The following ZYG11B variants were observed in gnomAD, a reference collection of about 807,000 sequenced individuals.
The protein encoded by ZYG11B is zyg-11 family member B, cell cycle regulator.
ZYG11B carries 36 observed loss-of-function variants against 82.4 expected under a neutral mutation model. The observed-to-expected ratio is 0.44, with a 90% CI of 0.33 to 0.58. The LOEUF is 0.58. Ranked by LOEUF, ZYG11B falls within the 20% of genes least tolerant of loss-of-function variation. ZYG11B has a pLI of 0.02. For synonymous variants in ZYG11B, 303 were observed against 312.8 expected (o/e 0.97, Z 0.33); for missense variants, 552 against 895.6 (o/e 0.62, Z 4.90).
At chr1:52,805,309 C>T (rs2149961768) in intron 10 of ZYG11B, 1 of 340,198 alleles carries the variant, frequency 2.9e-6, no homozygotes, top group African/African-American at 2.2e-5. Flanking sequence ...CACATGCAAG[C>T]AGTGAGGAGA....
chr1:52,816,874 C>T (rs1050089211), intron 13 of ZYG11B, among the ~76,000 whole-genome samples: 9 of 150,844 alleles, frequency 6.0e-5, no homozygotes, highest in Non-Finnish European at 8.8e-5. Context: ...CTGGAACCTC[C>T]GCCTCCTGGG....
Position 52,771,671 on chromosome 1 carries a change from C to T in ZYG11B, c.848C>T (p.Ala283Val). The stretch of plus-strand genomic sequence containing the variant: ...GGGAGAAAGCACGTGACAGATAAAG[C>T]CGTTGAAGCCTTTATACAACAACGT... Reference protein sequence around the residue: ...VSGRKHVTDKAVEAFIQQRPS... With the variant: ...VSGRKHVTDKVVEAFIQQRPS... Residue 283 changes from alanine (A) to valine (V), a missense_variant, in exon 3 of 14, where the codon GCC becomes GTC. Physicochemically the swap from Ala to Val is moderately conservative, Grantham distance 64. Coordinates refer to ENST00000294353, the MANE Select transcript of ZYG11B (RefSeq NM_024646.3). This position sits in a 1 kb window ranked among gnomAD's most constrained non-coding sequence, Gnocchi z 5.4. 4 of 1,614,186 alleles carry T rather than the reference C, an allele frequency of 2.5e-6. No individual in the cohort carries two copies. The highest frequency in any genetic ancestry group is 3.4e-6 in the Non-Finnish European group (4 of 1,180,036).
chr1:52,796,792 T>C lies in ZYG11B; in HGVS notation c.1485+8T>C, dbSNP rs766106504. On this transcript the variant is annotated splice_region_variant and intron_variant, in intron 8 of 13. Coordinates refer to ENST00000294353, the MANE Select transcript of ZYG11B (RefSeq NM_024646.3). The stretch of plus-strand genomic sequence containing the variant: ...GAGCTCTTCATTGTCAGGGTAAGTC[T>C]ATAATCTCCTCCATTCAGGCCACTA... The C allele has an allele frequency of 2.0e-6, 3 of 1,531,892 alleles. No homozygotes were observed. The highest frequency in any genetic ancestry group is 1.8e-6 in the Non-Finnish European group (2 of 1,141,566). The allele number at this position is 1,531,892 out of a possible 1,614,324, so 94.9% of individuals were successfully genotyped here. A position where few individuals can be genotyped will look rare whatever the true frequency, so the allele number is the denominator to read the frequency against.
intron 1 of ZYG11B, among the ~76,000 whole-genome samples, chr1:52,747,858 G>T (rs1177130386): frequency 6.6e-6 from 1 of 152,084 alleles, no homozygotes; most frequent in Non-Finnish European, 1.5e-5. Flanking sequence ...TATTAGCTCT[G>T]TAATCTTGAG....
At chr1:52,786,015 A>G (rs1644909234) in intron 5 of ZYG11B, among the ~76,000 whole-genome samples, 1 of 152,218 alleles carries the variant, frequency 6.6e-6, no homozygotes, top group Non-Finnish European at 1.5e-5. Flanking sequence ...GGGAGCTATA[A>G]ATAAGTCTGC....
intron 1 of ZYG11B, among the ~76,000 whole-genome samples, chr1:52,744,364 A>G (rs4926927): frequency 0.12 from 18,329 of 152,196 alleles, 2,493 homozygotes; most frequent in East Asian, 0.35. Flanking sequence ...TGATCACACA[A>G]TGACAAAATT....
At chr1:52,788,855 A>G (rs1644934109) in intron 5 of ZYG11B, among the ~76,000 whole-genome samples, 1 of 152,210 alleles carries the variant, frequency 6.6e-6, no homozygotes, top group Admixed American at 6.6e-5. Context: ...TGGGCTTTCT[A>G]AGTGGAGGTA....
At chr1:52,778,574 A>G (rs1167497729) in intron 3 of ZYG11B, among the ~76,000 whole-genome samples, 1 of 152,204 alleles carries the variant, frequency 6.6e-6, no homozygotes, top group Admixed American at 6.6e-5. Context: ...AGGTACATAA[A>G]TATCTAGTTG....
chr1:52,728,292 T>C (rs1250133650), intron 1 of ZYG11B, among the ~76,000 whole-genome samples: 1 of 152,180 alleles, frequency 6.6e-6, no homozygotes, highest in Non-Finnish European at 1.5e-5. Context: ...GATCTTGCTC[T>C]GTGGCCCAGG....
At chr1:52,770,033 C>G (rs1394975577) in intron 2 of ZYG11B, among the ~76,000 whole-genome samples, 1 of 142,664 alleles carries the variant, frequency 7.0e-6, no homozygotes, top group Non-Finnish European at 1.5e-5. Flanking sequence ...CATTTACATT[C>G]ATCTGCAGGA....
chr1:52,759,220 C>G (rs1314680885), intron 2 of ZYG11B, among the ~76,000 whole-genome samples: 1 of 152,188 alleles, frequency 6.6e-6, no homozygotes, highest in African/African-American at 2.4e-5. Context: ...GCATGAGCCA[C>G]TGCACCCAGC....
At chr1:52,774,029 G>A (rs1644781954) in intron 3 of ZYG11B, among the ~76,000 whole-genome samples, 1 of 151,958 alleles carries the variant, frequency 6.6e-6, no homozygotes, top group African/African-American at 2.4e-5. Flanking sequence ...AGAATAATAC[G>A]TGCAAAGACT....
intron 1 of ZYG11B, among the ~76,000 whole-genome samples, chr1:52,739,269 G>A (rs948999505): frequency 6.6e-6 from 1 of 152,128 alleles, no homozygotes; most frequent in Admixed American, 6.6e-5. Flanking sequence ...TTACAGGTCT[G>A]AGCCAGAGCC....
chr1:52,815,934 C>T (rs1476758070), intron 12 of ZYG11B, among the ~76,000 whole-genome samples: 1 of 147,940 alleles, frequency 6.8e-6, no homozygotes, highest in African/African-American at 2.7e-5. Flanking sequence ...GACTCCGTAT[C>T]AAAATAAATA....
At chr1:52,748,360 C>A (rs1337696387) in intron 1 of ZYG11B, among the ~76,000 whole-genome samples, 1 of 151,658 alleles carries the variant, frequency 6.6e-6, no homozygotes, top group Admixed American at 6.6e-5. Flanking sequence ...CTTTCTGAGC[C>A]TCAGTTTACT....
At position 52,785,067 on chromosome 1, in the gene ZYG11B, A is replaced by G; in HGVS notation, c.1269+14A>G. ...AATCACCAGCAGGTAAGCTTATGTGAATTCCTTTTCAAATAGTCCTTGTAG... is the reference window on the plus strand; with the variant it reads ...AATCACCAGCAGGTAAGCTTATGTGGATTCCTTTTCAAATAGTCCTTGTAG... On this transcript the variant is annotated intron_variant, in intron 5 of 13. Transcript: ENST00000294353. 6.2e-7 allele frequency: 1 copy of G among 1,610,172 alleles called. No individual in the cohort carries two copies. The highest frequency in any genetic ancestry group is 8.5e-7 in the Non-Finnish European group (1 of 1,178,832).
rs200816073 is a variant in ZYG11B, at chr1:52,771,511, C to A, written c.688C>A (p.Leu230Met). The part of the protein sequence containing the change: ...KCLKMTTTQI[L>M]DVVRELKHLN... ...TTTAAAAATGACAACTACCCAGATA[C>A]TGGATGTAGTTCGGGAACTCAAACA... Residue 230 changes from leucine to methionine, a missense_variant, in exon 3 of 14, where the codon CTG becomes ATG. Leu to Met is a conservative substitution (Grantham distance 15). Coordinates refer to ENST00000294353, the MANE Select transcript of ZYG11B (RefSeq NM_024646.3). The surrounding 1 kb of genome is among the most constrained non-coding windows in gnomAD (Gnocchi z 5.4). 6.2e-7 allele frequency: 1 copy of A among 1,613,944 alleles called. No individual in the cohort carries two copies. Among genetic ancestry groups the A allele is most frequent in the Non-Finnish European group, 8.5e-7 (1 of 1,179,972 alleles).
At chr1:52,747,852 A>G (rs1344314756) in intron 1 of ZYG11B, among the ~76,000 whole-genome samples, 1 of 152,178 alleles carries the variant, frequency 6.6e-6, no homozygotes, top group African/African-American at 2.4e-5. Flanking sequence ...ACCATTTATT[A>G]GCTCTGTAAT....
At chr1:52,734,562 A>C (rs1173088271) in intron 1 of ZYG11B, among the ~76,000 whole-genome samples, 1 of 151,422 alleles carries the variant, frequency 6.6e-6, no homozygotes, top group East Asian at 2.0e-4. Context: ...AGGCAGGAGA[A>C]CCACTTGAAC....
Sources: gnomAD v4.1 joint callset for allele counts (sites outside exome capture counted in the v4.1 genomes callset) on GRCh38, gnomAD v4.1.1 for gene constraint, Gnocchi (gnomAD v3.1) non-coding constraint, MANE v1.5 for transcripts, NCBI Gene and HGNC (gene_info 2026-07-23, HGNC 2026-07-21) for gene names.